CSGALNACT1: variants seen among roughly 807,000 people sequenced by gnomAD.
CSGALNACT1 encodes the protein chondroitin sulfate N-acetylgalactosaminyltransferase 1.
In CSGALNACT1, 52 loss-of-function variants were observed where a neutral mutation model predicts 51.0. That is an observed-to-expected ratio of 1.02 (90% confidence interval 0.82 to 1.29). CSGALNACT1 has a LOEUF of 1.29. Ranked by LOEUF, CSGALNACT1 falls within the 50% of genes most tolerant of loss-of-function variation. The probability of loss-of-function intolerance (pLI) is 0.00; values close to 1 mark genes in which losing one functional copy is unlikely to be tolerated. For missense variants in CSGALNACT1, 935 were observed against 679.2 expected (o/e 1.38, Z -4.19); for synonymous variants, 341 against 254.4 (o/e 1.34, Z -3.24).
At chr8:19,410,997 G>C (rs2055581227) in intron 8 of CSGALNACT1, among the ~76,000 whole-genome samples, 2 of 152,164 alleles carry the variant, frequency 1.3e-5, no homozygotes, top group African/African-American at 4.8e-5. Context: ...GTGAAGCCCT[G>C]CAAGGGTTCC....
intron 4 of CSGALNACT1, among the ~76,000 whole-genome samples, chr8:19,504,549 A>T (rs2153993375): frequency 6.6e-6 from 1 of 152,300 alleles, no homozygotes; most frequent in Middle Eastern, 3.4e-3. Context: ...CACAAACACA[A>T]ATTAATACTA....
chr8:19,684,211 G>C (rs1230687271), upstream of CSGALNACT1, among the ~76,000 whole-genome samples: 1 of 151,934 alleles, frequency 6.6e-6, no homozygotes, highest in Non-Finnish European at 1.5e-5. Context: ...TAATAATCTA[G>C]CAACAGACAG....
chr8:19,525,615 C>CAA (rs34787475), intron 3 of CSGALNACT1, among the ~76,000 whole-genome samples: 1,316 of 20,422 alleles, frequency 0.064, 378 homozygotes, highest in Middle Eastern at 0.11. Flanking sequence ...AAACTTGTCC[C>CAA]AAAAAAAAAA....
chr8:19,411,614 A>G (rs1014126193), intron 8 of CSGALNACT1, among the ~76,000 whole-genome samples: 1 of 151,866 alleles, frequency 6.6e-6, no homozygotes, highest in African/African-American at 2.4e-5. Context: ...AAATGTTTTC[A>G]CCTCCCTGGG....
chr8:19,478,369 G>T (rs569964916), intron 4 of CSGALNACT1, among the ~76,000 whole-genome samples: 4 of 133,196 alleles, frequency 3.0e-5, no homozygotes. Context: ...AGCCGAGATC[G>T]CACCACTGCA....
At chr8:19,604,771 C>T (rs965370629), upstream of CSGALNACT1, among the ~76,000 whole-genome samples, 1 of 150,466 alleles carries the variant, frequency 6.6e-6, no homozygotes, top group African/African-American at 2.5e-5. Flanking sequence ...AAAAATTAGC[C>T]GCGCACGATG....
At chr8:19,426,946 T>A (rs957054898) in intron 6 of CSGALNACT1, among the ~76,000 whole-genome samples, 5 of 152,218 alleles carry the variant, frequency 3.3e-5, no homozygotes, top group Non-Finnish European at 7.3e-5. Flanking sequence ...AAAATTTACA[T>A]AGAAAACTAG....
chr8:19,490,114 C>A (rs1419263273), intron 4 of CSGALNACT1, among the ~76,000 whole-genome samples: 1 of 152,170 alleles, frequency 6.6e-6, no homozygotes, highest in East Asian at 1.9e-4. Flanking sequence ...CATTCAGAAG[C>A]CAATCCTGAT....
At chr8:19,694,037 C>CT (rs2061462554) in intron 1 of CSGALNACT1, among the ~76,000 whole-genome samples, 1 of 151,812 alleles carries the variant, frequency 6.6e-6, no homozygotes, top group African/African-American at 2.4e-5. Flanking sequence ...CAATTTTAAT[C>CT]TTTTTTTAAG....
At chr8:19,619,092 T>A (rs1050957128) in intron 1 of CSGALNACT1, among the ~76,000 whole-genome samples, 1 of 152,022 alleles carries the variant, frequency 6.6e-6, no homozygotes, top group African/African-American at 2.4e-5. Flanking sequence ...GGCAGTGGGC[T>A]ATGAGAAAGC....
intron 1 of CSGALNACT1, among the ~76,000 whole-genome samples, chr8:19,634,095 C>G (rs1461736003): frequency 6.6e-6 from 1 of 152,160 alleles, no homozygotes; most frequent in Non-Finnish European, 1.5e-5. Flanking sequence ...ACAAAATAAG[C>G]TAGTAAATTT....
At chr8:19,418,613 C>T (rs374657761) in intron 8 of CSGALNACT1, 43 bp downstream of exon 7, 1 of 1,314,860 alleles carries the variant, frequency 7.6e-7, no homozygotes, top group African/African-American at 1.4e-5. Flanking sequence ...ATGACAGACA[C>T]TAAACAGAGC....
At chr8:19,497,354 A>C (rs184207007) in intron 4 of CSGALNACT1, among the ~76,000 whole-genome samples, 1 of 152,224 alleles carries the variant, frequency 6.6e-6, no homozygotes, top group Admixed American at 6.5e-5. Flanking sequence ...AACAACCTCT[A>C]CCCCAAACAC....
chr8:19,491,028 G>A (rs1335357963), intron 4 of CSGALNACT1, among the ~76,000 whole-genome samples: 1 of 150,416 alleles, frequency 6.6e-6, no homozygotes, highest in Non-Finnish European at 1.5e-5. Context: ...AACAGCAACA[G>A]AATTTCCAAA....
chr8:19,436,128 G>A (rs1012890146), intron 6 of CSGALNACT1, among the ~76,000 whole-genome samples: 15 of 152,174 alleles, frequency 9.9e-5, no homozygotes, highest in African/African-American at 3.4e-4. Flanking sequence ...GAGAGAGAGT[G>A]TGAAATATTG....
rs17128714 is a variant in CSGALNACT1 at position 19,591,470 on chromosome 8, G to T, written c.-415-192C>A. Among the ~76,000 whole-genome samples, 7 of 152,268 alleles carry T rather than the reference G, an allele frequency of 4.6e-5. No homozygotes were observed. In the South Asian group the frequency reaches 1.5e-3, roughly 32 times the overall value. On this transcript the variant is annotated intron_variant, in intron 2 of 9. Transcript: ENST00000454498. ...TAGTCACTTATAGTCCTTTTTGGGC[G>T]TTTATATTCATCCATCTTCAATTTA...
chr8:19,666,991 GAAAGAAAGAAAGAAAGAAAGAAAGA>G (rs2059355401), intron 1 of CSGALNACT1, among the ~76,000 whole-genome samples: 325 of 28,128 alleles, frequency 0.012, 16 homozygotes, highest in Middle Eastern at 0.079. Flanking sequence ...AAGAAAGAAA[GAAAGAAAGAAAGAAAGAAAGAAAGA>G]AAGGAAGGAA....
intron 6 of CSGALNACT1, among the ~76,000 whole-genome samples, chr8:19,428,670 T>G (rs12543061): frequency 0.46 from 70,270 of 151,952 alleles, 17,825 homozygotes; most frequent in East Asian, 0.83. Flanking sequence ...TTTACATCAT[T>G]AAGTACGATG....
chr8:19,669,165 T>C (rs1007617890), intron 1 of CSGALNACT1, among the ~76,000 whole-genome samples: 3 of 152,216 alleles, frequency 2.0e-5, no homozygotes, highest in Non-Finnish European at 2.9e-5. Context: ...AATTTAATCA[T>C]TGAAAATTTA....
Sources: gnomAD v4.1 joint callset for allele counts (sites outside exome capture counted in the v4.1 genomes callset) on GRCh38, gnomAD v4.1.1 for gene constraint, MANE v1.5 for transcripts, NCBI Gene and HGNC (gene_info 2026-07-23, HGNC 2026-07-21) for gene names.